Variants in ROS1 observed in about 807,000 individuals in gnomAD.
ROS1 encodes ROS proto-oncogene 1, receptor tyrosine kinase, also known as proto-oncogene tyrosine-protein kinase ROS.
ROS1 carries 263 observed loss-of-function variants against 273.5 expected under a neutral mutation model. The observed-to-expected ratio is 0.96, with a 90% CI of 0.87 to 1.06. The LOEUF (loss-of-function observed/expected upper bound fraction) is 1.06. Ranked by LOEUF, ROS1 falls within the 50% of genes least tolerant of loss-of-function variation. ROS1 has a pLI of 0.00. For missense variants in ROS1, 2,833 were observed against 2,751.1 expected (o/e 1.03, Z -0.67); for synonymous variants, 1,008 against 954.1 (o/e 1.06, Z -1.04).
At position 117,393,203 on chromosome 6, in the gene ROS1, C is replaced by T. The variant is rs755560823; in HGVS notation, c.1289+21G>A. The T allele has an allele frequency of 8.1e-6, 11 of 1,351,288 alleles. No individual in the cohort carries two copies. The East Asian group carries it at 1.8e-4, about 23-fold the overall frequency. The allele number at this position is 1,351,288 out of a possible 1,614,324, so 83.7% of individuals were successfully genotyped here. On this transcript the variant is annotated intron_variant, in intron 12 of 43. Coordinates refer to ENST00000368507, the MANE Select transcript of ROS1 (RefSeq NM_001378902.1). ...TTATTCCCAATGGAAGAGAATTCAT[C>T]TTTACAAGGCTAACACATACCCATT... is the stretch of plus-strand genomic sequence containing the variant.
intron 17 of ROS1, among the ~76,000 whole-genome samples, chr6:117,379,578 G>A (rs562227808): frequency 1.1e-4 from 16 of 152,202 alleles, no homozygotes; most frequent in Non-Finnish European, 1.9e-4. Flanking sequence ...TTAGCAACAT[G>A]AGCCAGTGAA....
chr6:117,398,633 T>C (rs1773687858), intron 7 of ROS1, among the ~76,000 whole-genome samples: 2 of 141,908 alleles, frequency 1.4e-5, no homozygotes, highest in South Asian at 4.5e-4. Context: ...GAGCCGAAAT[T>C]GTGCCACTGC....
chr6:117,405,216 C>A (rs1774299089), intron 5 of ROS1, among the ~76,000 whole-genome samples: 1 of 152,044 alleles, frequency 6.6e-6, no homozygotes, highest in South Asian at 2.1e-4. Context: ...ACTCCTGGGA[C>A]CTTACTCTGG....
At chr6:117,330,071 C>G (rs1440080043) in intron 32 of ROS1, among the ~76,000 whole-genome samples, 1 of 152,204 alleles carries the variant, frequency 6.6e-6, no homozygotes, top group African/African-American at 2.4e-5. Context: ...CGCTAATCTC[C>G]CTGGGCGGCG....
In ROS1 at chr6:117,327,583, TA is replaced by T. The variant is rs1776734571; in HGVS notation, c.5349-1170del. On this transcript the variant is annotated intron_variant, in intron 33 of 43. Transcript: ENST00000368507. ...TTAATTCACTGAGTCCACAACAGCT[TA>T]AAGAGATAAGATAGATATTATCATC... Among the ~76,000 whole-genome samples, 3 of 152,180 alleles carry T rather than the reference TA, an allele frequency of 2.0e-5. No individual in the cohort carries two copies. The South Asian group carries it at 6.2e-4, about 32-fold the overall frequency.
chr6:117,378,289 C>T (rs1225657032), intron 18 of ROS1, among the ~76,000 whole-genome samples: 5 of 152,132 alleles, frequency 3.3e-5, no homozygotes, highest in Admixed American at 3.3e-4. Context: ...AGAATGGATA[C>T]ACAGACAGTG....
chr6:117,344,202 T>A lies in ROS1; in HGVS notation c.4364A>T (p.Asn1455Ile). ...TVEPTILNAT[N>I]TSLTIRLPLA... The stretch of plus-strand genomic sequence containing the variant: ...AGGTAATCTGATTGTGAGGCTAGTG[T>A]TAGTGGCATTAAGTATAGTTGGTTC... Residue 1455 changes from asparagine (N) to isoleucine (I), a missense_variant, in exon 28 of 44, where the codon AAC (asparagine) becomes ATC (isoleucine). Asn to Ile is a moderately radical substitution (Grantham distance 149, BLOSUM62 -3). Transcript: ENST00000368507. The A allele has an allele frequency of 6.2e-7, 1 of 1,614,008 alleles. No individual in the cohort carries two copies. Among genetic ancestry groups the A allele is most frequent in the Non-Finnish European group, 8.5e-7 (1 of 1,179,954 alleles).
chr6:117,311,398 C>A (rs575638193), intron 39 of ROS1, among the ~76,000 whole-genome samples: 3 of 151,994 alleles, frequency 2.0e-5, no homozygotes, highest in Non-Finnish European at 4.4e-5. Context: ...TCAGACAGAT[C>A]GAGATGTGAA....
chr6:117,362,480 T>A lies in ROS1; in HGVS notation c.3366+123A>T, dbSNP rs543498577. On this transcript the variant is annotated intron_variant, in intron 22 of 43. Transcript: ENST00000368507. ...CTCACATAATTTTAAAAAACTATAGTGGCCAATCAAAATCTAGGTATGTGT... is the reference window on the plus strand; with the variant it reads ...CTCACATAATTTTAAAAAACTATAGAGGCCAATCAAAATCTAGGTATGTGT... The A allele has an allele frequency of 3.6e-5, 29 of 812,580 alleles. No individual in the cohort carries two copies. In the South Asian group the frequency reaches 5.9e-4, roughly 16 times the overall value. The allele number at this position is 812,580 out of a possible 1,614,324, so 50.3% of individuals were successfully genotyped here.
chr6:117,371,289 C>G (rs780042427), intron 18 of ROS1, among the ~76,000 whole-genome samples: 1 of 152,124 alleles, frequency 6.6e-6, no homozygotes, highest in East Asian at 1.9e-4. Context: ...TGTCCACCCC[C>G]GAACACACAT....
chr6:117,409,908 C>T (rs1050776515), intron 4 of ROS1, among the ~76,000 whole-genome samples: 1 of 152,128 alleles, frequency 6.6e-6, no homozygotes. Flanking sequence ...AACAAAACAA[C>T]TTAGTACACA....
chr6:117,390,488 TG>T (rs1185443546), intron 12 of ROS1, among the ~76,000 whole-genome samples: 9 of 152,210 alleles, frequency 5.9e-5, no homozygotes, highest in Non-Finnish European at 1.5e-5. Context: ...TGGCTAAATA[TG>T]GTATTTACTA....
intron 16 of ROS1, among the ~76,000 whole-genome samples, chr6:117,384,376 C>T (rs1201368090): frequency 2.0e-5 from 3 of 152,140 alleles, no homozygotes; most frequent in Non-Finnish European, 4.4e-5. Flanking sequence ...TCTCTGAATT[C>T]TACACAATAA....
At position 117,308,938 on chromosome 6, in the gene ROS1, G is replaced by A. The variant is rs776713573; in HGVS notation, c.6417-10C>T. 5.6e-6 allele frequency: 9 copies of A among 1,610,038 alleles called. No individual in the cohort carries two copies. The highest frequency in any genetic ancestry group is 1.7e-5 in the Admixed American group (1 of 59,278). On this transcript the variant is annotated splice_polypyrimidine_tract_variant and intron_variant, in intron 41 of 43. Coordinates refer to ENST00000368507, the MANE Select transcript of ROS1 (RefSeq NM_001378902.1). ...CAGAATTCCAAAAGACCTAAGAATA[G>A]TAGAGGGTTTGCTTTAATTATACTT... is the stretch of plus-strand genomic sequence containing the variant.
At chr6:117,298,174 T>C (rs1251327404) in intron 43 of ROS1, among the ~76,000 whole-genome samples, 3 of 144,488 alleles carry the variant, frequency 2.1e-5, no homozygotes, top group Admixed American at 6.8e-5. Flanking sequence ...TGTGTACACA[T>C]AGACTAGAGT....
chr6:117,383,247 G>T (rs991460091), intron 17 of ROS1, 70 bp downstream of exon 17: 15 of 1,215,766 alleles, frequency 1.2e-5, no homozygotes, highest in Non-Finnish European at 1.6e-5. Flanking sequence ...CACAATAAGC[G>T]AGAGAAAGTA....
Position 117,287,751 on chromosome 6 carries a change from C to T in ROS1, c.*741G>A, listed in dbSNP as rs1489297018. On this transcript the variant is annotated 3_prime_UTR_variant, in exon 44 of 44. Coordinates refer to ENST00000368507, the MANE Select transcript of ROS1 (RefSeq NM_001378902.1). The stretch of plus-strand genomic sequence containing the variant: ...CCTGGCCAATATGGTGAAACCTCAT[C>T]TCTACTAAAAATACAAAAATTAGCC... Among the ~76,000 whole-genome samples, 3 of 151,954 alleles carry T rather than the reference C, an allele frequency of 2.0e-5. No homozygotes were observed. The highest frequency in any genetic ancestry group is 7.3e-5 in the African/African-American group (3 of 41,368).
Position 117,396,914 on chromosome 6 carries a change from C to A in ROS1, c.806+1G>T, listed in dbSNP as rs1387248855. 1 of 1,601,666 alleles carries A rather than the reference C, an allele frequency of 6.2e-7. No homozygotes were observed. Among genetic ancestry groups the A allele is most frequent in the Non-Finnish European group, 8.6e-7 (1 of 1,168,876 alleles). On this transcript the variant is annotated splice_donor_variant, in intron 8 of 43. Transcript: ENST00000368507. LOFTEE classifies it high-confidence loss of function. Reference sequence around the variant, plus strand: ...TTTCCTCTGTATCACTTAATTCTTACCTGTAGATAGTATTTGGTAAAGTGG... The same window carrying A: ...TTTCCTCTGTATCACTTAATTCTTAACTGTAGATAGTATTTGGTAAAGTGG...
chr6:117,365,991 C>A lies in ROS1; in HGVS notation c.2797+85G>T. The stretch of plus-strand genomic sequence containing the variant: ...ACCTTACTCCTCTTAAAACTTAATT[C>A]TTAAGAAAAAAAAATATCCCAACCT... On this transcript the variant is annotated intron_variant, in intron 19 of 43. Transcript: ENST00000368507. 4 of 1,231,976 alleles carry A rather than the reference C, an allele frequency of 3.2e-6. No individual in the cohort carries two copies. The East Asian group carries it at 7.0e-5, about 22-fold the overall frequency. 76.3% of individuals were successfully genotyped at this position (1,231,976 alleles called of 1,614,324 possible).
Sources: allele counts gnomAD v4.1 joint callset (sites outside exome capture counted in the v4.1 genomes callset), GRCh38; gene constraint gnomAD v4.1.1; transcripts MANE v1.5; gene names NCBI Gene and HGNC (gene_info 2026-07-23, HGNC 2026-07-21).